UBE2D4: variants seen among roughly 807,000 people sequenced by gnomAD.
The protein encoded by UBE2D4 is ubiquitin-conjugating enzyme E2 D4.
In UBE2D4, 17 loss-of-function variants were observed where a neutral mutation model predicts 23.0. The ratio of observed to expected loss-of-function variants is 0.74; its 90% CI spans 0.51 to 1.11. UBE2D4 has a LOEUF of 1.11. UBE2D4 is among the 50% of genes least tolerant of loss of function. The probability of loss-of-function intolerance (pLI) is 0.00; values close to 1 mark genes in which losing one functional copy is unlikely to be tolerated. For missense variants in UBE2D4, 139 were observed against 181.8 expected (o/e 0.76, Z 1.35); for synonymous variants, 61 against 69.4 (o/e 0.88, Z 0.60).
chr7:43,928,238 C>T (rs1458861020), intron 1 of UBE2D4: 22 of 288,930 alleles, frequency 7.6e-5, no homozygotes, highest in Non-Finnish European at 1.3e-4. Flanking sequence ...TCCGCCCCCA[C>T]GACCCAGATA....
chr7:43,950,860 C>G (rs966705298), intron 6 of UBE2D4, among the ~76,000 whole-genome samples, 168 bp downstream of exon 6: 18 of 152,186 alleles, frequency 1.2e-4, no homozygotes, highest in Admixed American at 1.2e-3. Context: ...ACTCCTGGCT[C>G]TCTCACTAAC....
chr7:43,952,399 C>T, intron 6 of UBE2D4: 1 of 414,492 alleles, frequency 2.4e-6, no homozygotes, highest in Non-Finnish European at 4.5e-6. Flanking sequence ...TTAAATCTTC[C>T]ACAGCAGATA....
At chr7:43,938,692 C>G (rs1385659049) in intron 2 of UBE2D4, among the ~76,000 whole-genome samples, 198 bp downstream of exon 2, 1 of 152,124 alleles carries the variant, frequency 6.6e-6, no homozygotes, top group South Asian at 2.1e-4. Flanking sequence ...AAAAATTAGC[C>G]GGGCATGCTG....
intron 1 of UBE2D4, 143 bp downstream of exon 1, chr7:43,926,699 C>T (rs1415481003): frequency 9.1e-6 from 8 of 881,208 alleles, no homozygotes; most frequent in Non-Finnish European, 1.3e-5. Flanking sequence ...AACAGCCTCC[C>T]GCGCAGCCTG....
In UBE2D4 at chr7:43,953,163, T is replaced by G; in HGVS notation, c.*468T>G. 1 of 456,824 alleles carries G rather than the reference T, an allele frequency of 2.2e-6. No homozygotes were observed. Among genetic ancestry groups the G allele is most frequent in the Non-Finnish European group, 4.4e-6 (1 of 227,024 alleles). 28.3% of individuals were successfully genotyped at this position (456,824 alleles called of 1,614,324 possible). The stretch of plus-strand genomic sequence containing the variant: ...CAGGCTTTGTTCGCACCTCATCTGC[T>G]GCAGAACCACATCCTGAGGAGTCTC... On this transcript the variant is annotated 3_prime_UTR_variant, in exon 7 of 7. Transcript: ENST00000222402.
chr7:43,950,807 C>A, intron 6 of UBE2D4, 115 bp downstream of exon 6: 1 of 828,966 alleles, frequency 1.2e-6, no homozygotes, highest in Non-Finnish European at 2.0e-6. Context: ...CATCTTCCTG[C>A]CCATGCTGAG....
chr7:43,940,168 A>C (rs186974108), intron 2 of UBE2D4, among the ~76,000 whole-genome samples: 5 of 152,292 alleles, frequency 3.3e-5, no homozygotes, highest in African/African-American at 1.2e-4. Context: ...GAGGACTCTA[A>C]AGGCTTTATG....
At chr7:43,951,528 A>T (rs2132804979) in intron 6 of UBE2D4, among the ~76,000 whole-genome samples, 1 of 151,134 alleles carries the variant, frequency 6.6e-6, no homozygotes, top group Non-Finnish European at 1.5e-5. Flanking sequence ...AGAATAGAGT[A>T]TGTTTTTCCC....
chr7:43,930,301 AG>A (rs1238455873), intron 1 of UBE2D4, among the ~76,000 whole-genome samples: 1 of 152,210 alleles, frequency 6.6e-6, no homozygotes, highest in Admixed American at 6.6e-5. Flanking sequence ...GGTAGCCAGC[AG>A]TATGCAAGCC....
intron 1 of UBE2D4, among the ~76,000 whole-genome samples, chr7:43,937,681 C>T (rs144261685): frequency 6.6e-6 from 1 of 152,250 alleles, no homozygotes; most frequent in East Asian, 1.9e-4. Context: ...GGGATAAATG[C>T]AGGATGGCCA....
chr7:43,949,416 A>G (rs2095996382), intron 5 of UBE2D4, among the ~76,000 whole-genome samples: 1 of 152,224 alleles, frequency 6.6e-6, no homozygotes, highest in South Asian at 2.1e-4. Flanking sequence ...TAGAGGAGAC[A>G]GGGTCTCACT....
chr7:43,954,198 C>T lies in UBE2D4; in HGVS notation c.*1503C>T, dbSNP rs2096008745. ...TCCACATTTAGGATCCTCCTGCTAC[C>T]ATAAGGCCCCTTTTGGGGTTCTTTG... On this transcript the variant is annotated 3_prime_UTR_variant, in exon 7 of 7. Transcript: ENST00000222402. The T allele has an allele frequency of 6.6e-6, 1 of 151,476 alleles. No individual in the cohort carries two copies. 9.4% of individuals were successfully genotyped at this position (151,476 alleles called of 1,614,324 possible). A position where few individuals can be genotyped will look rare whatever the true frequency, so the allele number is the denominator to read the frequency against.
chr7:43,932,158 T>C (rs2095947240), intron 1 of UBE2D4, among the ~76,000 whole-genome samples: 1 of 151,990 alleles, frequency 6.6e-6, no homozygotes, highest in South Asian at 2.1e-4. Context: ...CCCAGCTAAT[T>C]TTTTGTATTT....
chr7:43,934,880 A>G (rs781221095), intron 1 of UBE2D4, among the ~76,000 whole-genome samples: 3 of 152,162 alleles, frequency 2.0e-5, no homozygotes, highest in Non-Finnish European at 4.4e-5. Context: ...AGCATTAACA[A>G]TGCTAAGCTA....
chr7:43,943,334 C>T (rs2095977806), intron 4 of UBE2D4: 8 of 521,720 alleles, frequency 1.5e-5, no homozygotes, highest in South Asian at 1.1e-4. Context: ...CCCTTCTCTG[C>T]AGTCCCTTAG....
chr7:43,939,255 G>A (rs919023983), intron 2 of UBE2D4, among the ~76,000 whole-genome samples: 1 of 152,264 alleles, frequency 6.6e-6, no homozygotes, highest in Non-Finnish European at 1.5e-5. Flanking sequence ...GGGAAGGGCA[G>A]TCCCTATTAT....
At position 43,943,169 on chromosome 7, in the gene UBE2D4, G is replaced by A. The variant is rs945384415; in HGVS notation, c.198+138G>A. The A allele has an allele frequency of 6.1e-6, 5 of 824,638 alleles. No individual in the cohort carries two copies. The African/African-American group carries it at 8.6e-5, about 14-fold the overall frequency. The allele number at this position is 824,638 out of a possible 1,614,324, so 51.1% of individuals were successfully genotyped here. ...CCCACTGCTCCACCCTGTGGTGAGA[G>A]TTTCCCAGGACTTTAATTACTGGAC... is the stretch of plus-strand genomic sequence containing the variant. On this transcript the variant is annotated intron_variant, in intron 4 of 6. Transcript: ENST00000222402.
chr7:43,945,195 G>C (rs1234384279), intron 4 of UBE2D4, among the ~76,000 whole-genome samples: 2 of 152,278 alleles, frequency 1.3e-5, no homozygotes, highest in African/African-American at 4.8e-5. Context: ...GTTTTGCCAT[G>C]TTGGGCAGGC....
Position 43,942,868 on chromosome 7 carries a change from G to A in UBE2D4, c.120+11G>A, listed in dbSNP as rs2095976442. 6.2e-7 allele frequency: 1 copy of A among 1,614,056 alleles called. No homozygotes were observed. The highest frequency in any genetic ancestry group is 8.5e-7 in the Non-Finnish European group (1 of 1,180,048). On this transcript the variant is annotated intron_variant, in intron 3 of 6. Coordinates refer to ENST00000222402, the MANE Select transcript of UBE2D4 (RefSeq NM_015983.4). The stretch of plus-strand genomic sequence containing the variant: ...ACCATCATGGGCCCGGTAGGTAGTA[G>A]CTGCTGAGCGCACCACTCCAGTTTT...
Sources: allele counts gnomAD v4.1 joint callset (sites outside exome capture counted in the v4.1 genomes callset), GRCh38; gene constraint gnomAD v4.1.1; transcripts MANE v1.5; gene names NCBI Gene and HGNC (gene_info 2026-07-23, HGNC 2026-07-21).